Variants in AGBL1 observed in about 807,000 individuals in gnomAD.
AGBL1 encodes the protein cytosolic carboxypeptidase 4.
AGBL1 carries 130 observed loss-of-function variants against 118.9 expected under a neutral mutation model. The ratio of observed to expected loss-of-function variants is 1.09; its 90% CI spans 0.95 to 1.26. The LOEUF (loss-of-function observed/expected upper bound fraction) is 1.26, where lower values mean the gene tolerates loss of function less well. AGBL1 is among the 50% of genes most tolerant of loss of function. AGBL1 has a pLI of 0.00. For missense variants in AGBL1, 1,584 were observed against 1,298.1 expected, an observed-to-expected ratio of 1.22 and a Z score of -3.38; for synonymous variants, 555 against 478.9, an observed-to-expected ratio of 1.16 and a Z score of -2.08.
chr15:86,366,810 GA>G (rs1292716368), intron 17 of AGBL1, among the ~76,000 whole-genome samples: 3 of 152,124 alleles, frequency 2.0e-5, no homozygotes, highest in Non-Finnish European at 4.4e-5. Context: ...ATCTTGGGGG[GA>G]AAAAGGTTCC....
intron 22 of AGBL1, among the ~76,000 whole-genome samples, chr15:86,778,910 TA>T (rs1309242895): frequency 6.6e-6 from 1 of 150,676 alleles, no homozygotes; most frequent in African/African-American, 2.4e-5. Flanking sequence ...GAGATTGCAG[TA>T]AAGACAGGCG....
intron 18 of AGBL1, among the ~76,000 whole-genome samples, chr15:86,465,026 A>G (rs1280605463): frequency 7.3e-5 from 11 of 151,596 alleles, no homozygotes; most frequent in Admixed American, 5.9e-4. Context: ...TCTCCTTGTC[A>G]CTTTCAGGTA....
chr15:86,276,117 G>A (rs976007365), intron 15 of AGBL1, among the ~76,000 whole-genome samples: 1 of 152,150 alleles, frequency 6.6e-6, no homozygotes, highest in Non-Finnish European at 1.5e-5. Context: ...AAAAGTCATA[G>A]TATATGGATC....
At chr15:86,177,027 G>T (rs764363564) in intron 5 of AGBL1, among the ~76,000 whole-genome samples, 3 of 152,132 alleles carry the variant, frequency 2.0e-5, no homozygotes, top group Non-Finnish European at 4.4e-5. Context: ...TAGCCATCTT[G>T]AAGTCTCTCC....
intron 1 of AGBL1, among the ~76,000 whole-genome samples, chr15:86,120,900 A>AT (rs201787520): frequency 0.18 from 25,917 of 141,798 alleles, 2,395 homozygotes; most frequent in Middle Eastern, 0.26. Flanking sequence ...GCTTTTATGG[A>AT]TTTTTTTTTT....
intron 18 of AGBL1, among the ~76,000 whole-genome samples, chr15:86,412,556 G>A (rs1210110967): frequency 1.3e-5 from 2 of 152,088 alleles, no homozygotes; most frequent in Admixed American, 1.3e-4. Context: ...TCTTGAGTGT[G>A]GAAGGATGAG....
At position 86,910,668 on chromosome 15, in the gene AGBL1, C is replaced by G. The variant is rs376736829; in HGVS notation, c.*3374C>G. Reference sequence around the variant, plus strand: ...TGGGGACATGTTAAATGTTGGTGGCCTACATGATAGCCCGTTCGAAAGGTT... The same window carrying G: ...TGGGGACATGTTAAATGTTGGTGGCGTACATGATAGCCCGTTCGAAAGGTT... On this transcript the variant is annotated 3_prime_UTR_variant, in exon 23 of 23. Transcript: ENST00000614907. 1 of 152,164 alleles carries G rather than the reference C, an allele frequency of 6.6e-6. No homozygotes were observed. Among genetic ancestry groups the G allele is most frequent in the African/African-American group, 2.4e-5 (1 of 41,400 alleles). 9.4% of individuals were successfully genotyped at this position (152,164 alleles called of 1,614,324 possible).
intron 18 of AGBL1, among the ~76,000 whole-genome samples, chr15:86,412,054 C>T (rs1567243783): frequency 1.3e-5 from 2 of 152,184 alleles, no homozygotes; most frequent in Admixed American, 6.5e-5. Flanking sequence ...ATCTCTTTGT[C>T]AGCAGCTCAA....
At chr15:86,430,995 G>A (rs920186874) in intron 18 of AGBL1, among the ~76,000 whole-genome samples, 1 of 152,128 alleles carries the variant, frequency 6.6e-6, no homozygotes, top group Non-Finnish European at 1.5e-5. Flanking sequence ...ACTCAGAGAT[G>A]GTAAGTAACT....
intron 23 of AGBL1, among the ~76,000 whole-genome samples, chr15:86,983,127 T>C (rs970504486): frequency 2.0e-5 from 3 of 152,182 alleles, no homozygotes; most frequent in Non-Finnish European, 4.4e-5. Context: ...AATTAGTATT[T>C]CCATGATTAC....
At chr15:86,295,440 T>C (rs142403041) in intron 17 of AGBL1, 32 bp downstream of exon 17, 1 of 1,530,190 alleles carries the variant, frequency 6.5e-7, no homozygotes, top group East Asian at 2.3e-5. Flanking sequence ...TCGTAGAAGA[T>C]TTGACTAAGG....
At chr15:86,791,460 G>A (rs2078492004) in intron 22 of AGBL1, among the ~76,000 whole-genome samples, 1 of 152,028 alleles carries the variant, frequency 6.6e-6, no homozygotes, top group Non-Finnish European at 1.5e-5. Flanking sequence ...ATGCCCACCT[G>A]TATCCTTAGG....
chr15:86,536,736 G>A (rs780681559), intron 19 of AGBL1, among the ~76,000 whole-genome samples: 1 of 152,158 alleles, frequency 6.6e-6, no homozygotes, highest in South Asian at 2.1e-4. Context: ...GAAAATAGGA[G>A]GGTAACCGCT....
At chr15:86,762,847 G>A (rs2078045785) in intron 22 of AGBL1, among the ~76,000 whole-genome samples, 1 of 152,010 alleles carries the variant, frequency 6.6e-6, no homozygotes, top group Non-Finnish European at 1.5e-5. Flanking sequence ...TTGTGGGATA[G>A]TTGAGTGTGT....
intron 22 of AGBL1, among the ~76,000 whole-genome samples, chr15:86,689,010 T>C (rs1408375567): frequency 2.0e-5 from 3 of 152,180 alleles, no homozygotes; most frequent in Admixed American, 6.6e-5. Context: ...CATAATACTT[T>C]TGCGAATTAC....
rs74026787 is a variant in AGBL1, at chr15:86,120,131, A to C, written c.52-21873A>C. The stretch of plus-strand genomic sequence containing the variant: ...GGATAAAATCTAAACTCCCCATTAA[A>C]ATCTAAACTCCCCATCCTGCCTTCC... On this transcript the variant is annotated intron_variant, in intron 1 of 22. Transcript: ENST00000614907. 7.7e-3 allele frequency among the ~76,000 whole-genome samples: 1,174 copies of C among 152,128 alleles called. 9 individuals are homozygous for C. The highest frequency in any genetic ancestry group is 0.027 in the African/African-American group (1,129 of 41,502).
chr15:86,821,419 A>G, intron 22 of AGBL1, among the ~76,000 whole-genome samples: 1 of 152,210 alleles, frequency 6.6e-6, no homozygotes, highest in Non-Finnish European at 1.5e-5. Flanking sequence ...GAATACATTT[A>G]TTCGATATGA....
At chr15:86,825,713 G>A (rs1054752417) in intron 22 of AGBL1, among the ~76,000 whole-genome samples, 3 of 144,860 alleles carry the variant, frequency 2.1e-5, no homozygotes, top group Non-Finnish European at 3.0e-5. Flanking sequence ...GGGAGAAAGC[G>A]AGAGAGGGAG....
At chr15:86,220,248 A>G (rs2078260603) in intron 5 of AGBL1, among the ~76,000 whole-genome samples, 2 of 152,042 alleles carry the variant, frequency 1.3e-5, no homozygotes, top group South Asian at 4.1e-4. Context: ...CATCAAGTCC[A>G]GTGAATACTG....
Sources: gnomAD v4.1 joint callset for allele counts (sites outside exome capture counted in the v4.1 genomes callset) on GRCh38, gnomAD v4.1.1 for gene constraint, MANE v1.5 for transcripts, NCBI Gene and HGNC (gene_info 2026-07-23, HGNC 2026-07-21) for gene names.